ASCC1: variants seen among roughly 807,000 people sequenced by gnomAD.
ASCC1 encodes the protein activating signal cointegrator 1 complex subunit 1, also known as ASC-1 complex subunit P50.
In ASCC1, 35 loss-of-function variants were observed where a neutral mutation model predicts 46.6. That is an observed-to-expected ratio of 0.75 (90% CI 0.57 to 0.99). ASCC1 has a LOEUF of 0.99. Ranked by LOEUF, ASCC1 falls within the 50% of genes least tolerant of loss-of-function variation. The pLI is 0.00. For missense variants in ASCC1, 376 were observed against 428.7 expected (o/e 0.88, Z 1.09); for synonymous variants, 143 against 146.6 (o/e 0.98, Z 0.18).
At chr10:72,208,628 T>C (rs142959937) in intron 3 of ASCC1, among the ~76,000 whole-genome samples, 117 of 152,138 alleles carry the variant, frequency 7.7e-4, no homozygotes, top group African/African-American at 2.8e-3. Flanking sequence ...GGTGTAGTAG[T>C]GCAGGCCTGT....
At chr10:72,197,054 T>C (rs988634857) in intron 4 of ASCC1, 65 bp from the exon 5 acceptor site, 3 of 1,499,860 alleles carry the variant, frequency 2.0e-6, no homozygotes, top group African/African-American at 2.8e-5. Context: ...ACAGGACCTC[T>C]TGATACTGTC....
intron 7 of ASCC1, among the ~76,000 whole-genome samples, chr10:72,148,133 T>A (rs191266862): frequency 3.3e-5 from 5 of 152,318 alleles, no homozygotes; most frequent in Admixed American, 6.5e-5. Context: ...AGGTTTTTTT[T>A]AAGTTTCATT....
At chr10:72,170,816 T>C (rs1304567741) in intron 5 of ASCC1, among the ~76,000 whole-genome samples, 1 of 152,030 alleles carries the variant, frequency 6.6e-6, no homozygotes, top group Non-Finnish European at 1.5e-5. Flanking sequence ...TTAAACGTAT[T>C]GAGGTTGAGA....
chr10:72,209,451 TA>T (rs1216785792), intron 3 of ASCC1, among the ~76,000 whole-genome samples: 1 of 151,410 alleles, frequency 6.6e-6, no homozygotes, highest in Non-Finnish European at 1.5e-5. Context: ...CACTGCACTC[TA>T]ACCTGGCAAC....
intron 1 of ASCC1, among the ~76,000 whole-genome samples, chr10:72,214,363 ATCTC>A (rs778347296): frequency 1.6e-4 from 22 of 139,884 alleles, no homozygotes; most frequent in Non-Finnish European, 2.5e-4. Context: ...TTTGCACAAT[ATCTC>A]TTTTTTTTTT....
Position 72,104,783 on chromosome 10 carries a change from A to G in ASCC1, c.958-7333T>C, listed in dbSNP as rs931846490. Reference sequence around the variant, plus strand: ...TACACAAAACTACAAATATTTAATGAGGAAATGGAAATAGGATTAAAACTG... The same window carrying G: ...TACACAAAACTACAAATATTTAATGGGGAAATGGAAATAGGATTAAAACTG... On this transcript the variant is annotated intron_variant, in intron 9 of 9. Transcript: ENST00000672957. Among the ~76,000 whole-genome samples, 5 of 152,298 alleles carry G rather than the reference A, an allele frequency of 3.3e-5. No homozygotes were observed. In the South Asian group the frequency reaches 6.2e-4, roughly 19 times the overall value.
At chr10:72,105,288 C>T (rs1328404226) in intron 9 of ASCC1, among the ~76,000 whole-genome samples, 1 of 152,204 alleles carries the variant, frequency 6.6e-6, no homozygotes, top group Non-Finnish European at 1.5e-5. Flanking sequence ...CTAACATGCC[C>T]TCTGGGGCTT....
chr10:72,170,267 A>G (rs1329705107), intron 5 of ASCC1, among the ~76,000 whole-genome samples: 4 of 152,218 alleles, frequency 2.6e-5, no homozygotes, highest in Non-Finnish European at 4.4e-5. Context: ...TAGTAACTAT[A>G]AAGAAATTAA....
chr10:72,200,433 G>C (rs1423416396), intron 4 of ASCC1, among the ~76,000 whole-genome samples: 1 of 151,986 alleles, frequency 6.6e-6, no homozygotes, highest in Non-Finnish European at 1.5e-5. Flanking sequence ...GGCTGCACCT[G>C]AGGTCGGGAG....
intron 9 of ASCC1, among the ~76,000 whole-genome samples, chr10:72,099,619 G>A (rs1013331343): frequency 2.6e-5 from 4 of 152,154 alleles, no homozygotes; most frequent in African/African-American, 9.7e-5. Flanking sequence ...TTGGGAGTTC[G>A]AGACCAGCCT....
At chr10:72,173,067 CCT>C (rs1419760723) in intron 5 of ASCC1, among the ~76,000 whole-genome samples, 2 of 145,332 alleles carry the variant, frequency 1.4e-5, no homozygotes, top group East Asian at 2.0e-4. Context: ...AAAGAAATGC[CCT>C]GTCACTAGCA....
At chr10:72,173,666 T>C (rs1017375914) in intron 5 of ASCC1, among the ~76,000 whole-genome samples, 5 of 152,348 alleles carry the variant, frequency 3.3e-5, no homozygotes, top group Middle Eastern at 6.8e-3. Flanking sequence ...TTTCTCTTAC[T>C]GAATTATCTA....
intron 5 of ASCC1, among the ~76,000 whole-genome samples, chr10:72,181,519 A>G (rs1312422769): frequency 6.6e-6 from 1 of 152,220 alleles, no homozygotes; most frequent in Non-Finnish European, 1.5e-5. Context: ...TTTTAACATT[A>G]TAAAATTGGA....
Position 72,124,443 on chromosome 10 carries a change from T to C in ASCC1, c.957+3639A>G, listed in dbSNP as rs1007140233. Among the ~76,000 whole-genome samples the C allele has an allele frequency of 2.0e-5, 3 of 152,338 alleles. No individual in the cohort carries two copies. In the South Asian group the frequency reaches 6.2e-4, roughly 32 times the overall value. On this transcript the variant is annotated intron_variant, in intron 9 of 9. Transcript: ENST00000672957. ...TTCTCTGATGAGTACAACCTAGGGC[T>C]CTAATGCCTCCTCTTCACTCTGCAG...
chr10:72,103,614 T>C lies in ASCC1; in HGVS notation c.958-6164A>G, dbSNP rs1475618093. 2.0e-5 allele frequency among the ~76,000 whole-genome samples: 3 copies of C among 152,274 alleles called. No homozygotes were observed. The East Asian group carries it at 5.8e-4, about 29-fold the overall frequency. Reference sequence around the variant, plus strand: ...CTCACCTTCCACAGCCCCTCTTCCCTGAAGCAGACGATAAAACCTATGAAG... The same window carrying C: ...CTCACCTTCCACAGCCCCTCTTCCCCGAAGCAGACGATAAAACCTATGAAG... On this transcript the variant is annotated intron_variant, in intron 9 of 9. Coordinates refer to ENST00000672957, the MANE Select transcript of ASCC1 (RefSeq NM_001198800.3).
intron 5 of ASCC1, among the ~76,000 whole-genome samples, chr10:72,176,125 C>T (rs1252848472): frequency 2.0e-5 from 3 of 152,232 alleles, no homozygotes; most frequent in Non-Finnish European, 4.4e-5. Context: ...ATTATCCCCA[C>T]TTCAGAGCAG....
intron 6 of ASCC1, among the ~76,000 whole-genome samples, chr10:72,161,184 GAAA>G (rs77185118): frequency 8.2e-6 from 1 of 121,254 alleles, no homozygotes; most frequent in African/African-American, 3.0e-5. Context: ...TGGGCGACAG[GAAA>G]AAAAAAAAAA....
At chr10:72,201,705 A>G (rs1024304035) in intron 4 of ASCC1, among the ~76,000 whole-genome samples, 3 of 152,156 alleles carry the variant, frequency 2.0e-5, no homozygotes, top group African/African-American at 7.2e-5. Context: ...TGGGAGGCCA[A>G]GGCAGGCAGA....
intron 6 of ASCC1, among the ~76,000 whole-genome samples, chr10:72,153,921 T>G (rs1215461272): frequency 6.6e-6 from 1 of 151,736 alleles, no homozygotes; most frequent in African/African-American, 2.4e-5. Flanking sequence ...GGGGTTTAGC[T>G]ATATTGGCCA....
Sources: gnomAD v4.1 joint callset for allele counts (sites outside exome capture counted in the v4.1 genomes callset) on GRCh38, gnomAD v4.1.1 for gene constraint, MANE v1.5 for transcripts, NCBI Gene and HGNC (gene_info 2026-07-23, HGNC 2026-07-21) for gene names.